ROR2: variants seen among roughly 807,000 people sequenced by gnomAD.
ROR2 encodes the protein ROR family WNT receptor 2, also known as tyrosine-protein kinase transmembrane receptor ROR2.
Under a neutral mutation model 74.9 loss-of-function variants are expected in ROR2, and 33 were observed. The ratio of observed to expected loss-of-function variants is 0.44; its 90% confidence interval spans 0.33 to 0.59. The LOEUF is 0.59. ROR2 is among the 20% of genes least tolerant of loss of function. ROR2 has a pLI of 0.02. For missense variants in ROR2, 1,216 were observed against 1,313.8 expected, an observed-to-expected ratio of 0.93 and a Z score of 1.15; for synonymous variants, 586 against 558.7, an observed-to-expected ratio of 1.05 and a Z score of -0.69.
intron 4 of ROR2, among the ~76,000 whole-genome samples, chr9:91,738,554 G>T (rs1825113311): frequency 6.6e-6 from 1 of 152,162 alleles, no homozygotes; most frequent in Non-Finnish European, 1.5e-5. Context: ...AGGCTTTTAT[G>T]ATAACGATGA....
chr9:91,735,490 G>A (rs1824987011), intron 5 of ROR2, among the ~76,000 whole-genome samples: 1 of 152,056 alleles, frequency 6.6e-6, no homozygotes, highest in Non-Finnish European at 1.5e-5. Context: ...CTGGATCAGT[G>A]CTTGCCAATT....
intron 1 of ROR2, among the ~76,000 whole-genome samples, chr9:91,829,390 A>G (rs1287657524): frequency 1.3e-5 from 2 of 151,906 alleles, no homozygotes; most frequent in Admixed American, 6.5e-5. Context: ...TAAAACACAC[A>G]CACACAAAAA....
chr9:91,909,838 G>GTTT lies in ROR2; in HGVS notation c.97+40026_97+40028dup, dbSNP rs1278227036. On this transcript the variant is annotated intron_variant, in intron 1 of 8. Coordinates refer to ENST00000375708, the MANE Select transcript of ROR2 (RefSeq NM_004560.4). Reference sequence around the variant, plus strand: ...AATCTTTATTCTTTTTTTTTTTTAGGTTTGTTTTGTTTTTTTTTTTTTTTT... The same window carrying GTTT: ...AATCTTTATTCTTTTTTTTTTTTAGGTTTTTTGTTTTGTTTTTTTTTTTTTTTT... Among the ~76,000 whole-genome samples, 92 of 63,154 alleles carry GTTT rather than the reference G, an allele frequency of 1.5e-3. 1 individual carries two copies. Among genetic ancestry groups the GTTT allele is most frequent in the Non-Finnish European group, 1.6e-3 (55 of 34,802 alleles). The allele number at this position is 63,154 out of a possible 152,430, so 41.4% of individuals were successfully genotyped here. A position where few individuals can be genotyped will look rare whatever the true frequency, so the allele number is the denominator to read the frequency against.
At chr9:91,949,029 G>T (rs939997641) in intron 1 of ROR2, 3 of 744,168 alleles carry the variant, frequency 4.0e-6, no homozygotes, top group Admixed American at 6.3e-5. Context: ...AACCGCGCAG[G>T]GACTCGGGGG....
rs928645444 is a variant in ROR2 at position 91,754,936 on chromosome 9, G to A, written c.494+1135C>T. On this transcript the variant is annotated intron_variant, in intron 4 of 8. Transcript: ENST00000375708. ...GGAGGGCGAGACAGGAGGATTGCTC[G>A]AGGCAAGAGTTTGTCACCAGTCTGG... 4.6e-5 allele frequency among the ~76,000 whole-genome samples: 7 copies of A among 152,242 alleles called. No individual in the cohort carries two copies. The East Asian group carries it at 1.2e-3, about 25-fold the overall frequency.
chr9:91,755,010 G>C (rs771978341), intron 4 of ROR2, among the ~76,000 whole-genome samples: 1 of 152,064 alleles, frequency 6.6e-6, no homozygotes, highest in East Asian at 1.9e-4. Context: ...AAAATTATCC[G>C]GGTGTGTGGT....
intron 1 of ROR2, among the ~76,000 whole-genome samples, chr9:91,794,339 C>T (rs969507072): frequency 3.9e-5 from 6 of 152,224 alleles, no homozygotes; most frequent in Admixed American, 6.5e-5. Flanking sequence ...AATTGTCACA[C>T]TTCACTGGGC....
Position 91,817,645 on chromosome 9 carries a change from C to G in ROR2, c.98-41827G>C, listed in dbSNP as rs559104866. On this transcript the variant is annotated intron_variant, in intron 1 of 8. Transcript: ENST00000375708. ...GCCACCAGCGCCAGGAGCAGCACCC[C>G]CTTCGCCTGCCAGGCACCCGTCGGG... is the stretch of plus-strand genomic sequence containing the variant. Among the ~76,000 whole-genome samples the G allele has an allele frequency of 1.5e-3, 226 of 152,312 alleles. 5 individuals are homozygous for G. Among genetic ancestry groups the G allele is most frequent in the Admixed American group, 0.015 (222 of 15,306 alleles).
chr9:91,813,885 C>A (rs967852250), intron 1 of ROR2, among the ~76,000 whole-genome samples: 6 of 152,204 alleles, frequency 3.9e-5, no homozygotes, highest in Admixed American at 1.3e-4. Context: ...ATGAGCAAAA[C>A]TCACTCAGAA....
chr9:91,832,439 A>G (rs1219823131), intron 1 of ROR2, among the ~76,000 whole-genome samples: 2 of 148,144 alleles, frequency 1.4e-5, no homozygotes, highest in East Asian at 2.1e-4. Flanking sequence ...CGGTCCAGCC[A>G]TCAGTCAAAT....
At chr9:91,949,741 G>A (rs1832119410) in intron 1 of ROR2, 126 bp downstream of exon 1, 1 of 698,162 alleles carries the variant, frequency 1.4e-6, no homozygotes, top group Non-Finnish European at 2.6e-6. Context: ...GAATGGCCCT[G>A]CCTGGCGCCC....
chr9:91,849,723 G>A (rs1305065816), intron 1 of ROR2, among the ~76,000 whole-genome samples: 2 of 152,194 alleles, frequency 1.3e-5, no homozygotes, highest in African/African-American at 4.8e-5. Flanking sequence ...TGTAGATAAA[G>A]CTGAAGTCTC....
chr9:91,890,608 C>G (rs1830399935), intron 1 of ROR2, among the ~76,000 whole-genome samples: 1 of 152,172 alleles, frequency 6.6e-6, no homozygotes. Flanking sequence ...CATGTGGCCA[C>G]CTTGCTCTCC....
intron 1 of ROR2, among the ~76,000 whole-genome samples, chr9:91,872,339 C>T (rs1829821599): frequency 6.6e-6 from 1 of 152,120 alleles, no homozygotes; most frequent in African/African-American, 2.4e-5. Flanking sequence ...TGCATCTCGT[C>T]GTTTTAACTG....
intron 1 of ROR2, among the ~76,000 whole-genome samples, chr9:91,895,222 A>G (rs901028759): frequency 2.0e-5 from 3 of 152,222 alleles, no homozygotes; most frequent in African/African-American, 7.2e-5. Context: ...AGGTAAAACT[A>G]TGGAGTCATG....
chr9:91,899,001 A>G (rs796588705), intron 1 of ROR2, among the ~76,000 whole-genome samples: 15 of 152,316 alleles, frequency 9.8e-5, no homozygotes, highest in African/African-American at 3.6e-4. Flanking sequence ...GCAACAGCAG[A>G]GGCTGCTTTC....
intron 5 of ROR2, among the ~76,000 whole-genome samples, chr9:91,735,585 G>A (rs537092572): frequency 9.6e-5 from 14 of 146,160 alleles, no homozygotes; most frequent in Admixed American, 2.8e-4. Context: ...CAGAATGCAC[G>A]GTTCCTACTA....
rs1241933365 is a variant in ROR2, at chr9:91,723,327, G to T, written c.*335C>A. 2 of 320,168 alleles carry T rather than the reference G, an allele frequency of 6.2e-6. No homozygotes were observed. The highest frequency in any genetic ancestry group is 1.2e-5 in the Non-Finnish European group (2 of 171,730). 19.8% of individuals were successfully genotyped at this position (320,168 alleles called of 1,614,324 possible). A position where few individuals can be genotyped will look rare whatever the true frequency, so the allele number is the denominator to read the frequency against. ...ATATTCACTCCATATATGACATGGA[G>T]TGAAGCTGCCACCTATTTTCTTGAA... On this transcript the variant is annotated 3_prime_UTR_variant, in exon 9 of 9. Transcript: ENST00000375708.
intron 1 of ROR2, among the ~76,000 whole-genome samples, chr9:91,897,008 G>A (rs1830553177): frequency 6.6e-6 from 1 of 152,218 alleles, no homozygotes; most frequent in African/African-American, 2.4e-5. Context: ...AGGGAAGGAA[G>A]GGGAAGGCCC....
Sources: gnomAD v4.1 joint callset for allele counts (sites outside exome capture counted in the v4.1 genomes callset) on GRCh38, gnomAD v4.1.1 for gene constraint, MANE v1.5 for transcripts, NCBI Gene and HGNC (gene_info 2026-07-23, HGNC 2026-07-21) for gene names.